INTS8: variants seen among roughly 807,000 people sequenced by gnomAD.
INTS8 encodes protein kaonashi-1.
INTS8 carries 47 observed loss-of-function variants against 138.9 expected under a neutral mutation model. The ratio of observed to expected loss-of-function variants is 0.34; its 90% CI spans 0.27 to 0.43. The LOEUF (loss-of-function observed/expected upper bound fraction) is 0.43, where lower values mean the gene tolerates loss of function less well. Ranked by LOEUF, INTS8 falls within the 20% of genes least tolerant of loss-of-function variation. INTS8 has a pLI of 1.00. For missense variants in INTS8, 996 were observed against 1,173.0 expected, an observed-to-expected ratio of 0.85 and a Z score of 2.20; for synonymous variants, 392 against 400.9, an observed-to-expected ratio of 0.98 and a Z score of 0.27.
intron 8 of INTS8, among the ~76,000 whole-genome samples, chr8:94,839,664 C>G (rs1815062641): frequency 6.6e-6 from 1 of 152,168 alleles, no homozygotes; most frequent in African/African-American, 2.4e-5. Flanking sequence ...TTAATAAAGA[C>G]TAGAGCTCTC....
At chr8:94,825,279 G>C (rs1421290175) in intron 2 of INTS8, among the ~76,000 whole-genome samples, 1 of 151,934 alleles carries the variant, frequency 6.6e-6, no homozygotes. Flanking sequence ...GTGAAACCTC[G>C]TCTCTAGCCG....
intron 15 of INTS8, among the ~76,000 whole-genome samples, chr8:94,858,919 T>TTA (rs1477688393): frequency 6.6e-6 from 1 of 152,216 alleles, no homozygotes; most frequent in African/African-American, 2.4e-5. Flanking sequence ...AACTCCTAAC[T>TTA]TATTAAATGT....
chr8:94,823,923 A>G (rs1814383418), intron 1 of INTS8, among the ~76,000 whole-genome samples: 2 of 152,194 alleles, frequency 1.3e-5, no homozygotes, highest in African/African-American at 4.8e-5. Flanking sequence ...CAAGCTGAAT[A>G]AATTCAGGGA....
At chr8:94,871,041 G>A (rs1222562381) in intron 20 of INTS8, among the ~76,000 whole-genome samples, 1 of 152,054 alleles carries the variant, frequency 6.6e-6, no homozygotes, top group Non-Finnish European at 1.5e-5. Flanking sequence ...ACCCCATTAG[G>A]CCCCTGAAGC....
rs1236110218 is a variant in INTS8, at chr8:94,867,250, TCA to T, written c.2353-22_2353-21del. 3.7e-6 allele frequency: 6 copies of T among 1,602,168 alleles called. No homozygotes were observed. The Admixed American group carries it at 1.0e-4, about 27-fold the overall frequency. Reference sequence around the variant, plus strand: ...AATTTAAAAGAAATTTCTTTGTAAATCACACCTTTTTTTTTCTTTTTAAAGGA... The same window carrying T: ...AATTTAAAAGAAATTTCTTTGTAAATCACCTTTTTTTTTCTTTTTAAAGGA... On this transcript the variant is annotated intron_variant, in intron 19 of 26. Coordinates refer to ENST00000523731, the MANE Select transcript of INTS8 (RefSeq NM_017864.4).
Position 94,881,130 on chromosome 8 carries a change from T to C in INTS8, c.*896T>C. ...GCAGCTATAGATAAATTAGTCACCT[T>C]ATTACAAAACTAAACCTTTGTAAAC... is the stretch of plus-strand genomic sequence containing the variant. On this transcript the variant is annotated 3_prime_UTR_variant, in exon 27 of 27. Coordinates refer to ENST00000523731, the MANE Select transcript of INTS8 (RefSeq NM_017864.4). 1 of 396,032 alleles carries C rather than the reference T, an allele frequency of 2.5e-6. No individual in the cohort carries two copies. Among genetic ancestry groups the C allele is most frequent in the Non-Finnish European group, 4.5e-6 (1 of 224,660 alleles). The allele number at this position is 396,032 out of a possible 1,614,324, so 24.5% of individuals were successfully genotyped here.
intron 6 of INTS8, among the ~76,000 whole-genome samples, chr8:94,834,218 C>T (rs780478308): frequency 1.3e-5 from 2 of 152,132 alleles, no homozygotes; most frequent in Admixed American, 6.6e-5. Flanking sequence ...ATCTATTGAG[C>T]ACCTCTTAAC....
chr8:94,881,740 TTCC>T, exon 27 of INTS8: 1 of 1,613,840 alleles, frequency 6.2e-7, no homozygotes, highest in African/African-American at 1.3e-5. Context: ...TGTAATTTAC[TTCC>T]TCCTATACAT....
rs1417532728 is a variant in INTS8, at chr8:94,853,183, G to A, written c.1642-622G>A. On this transcript the variant is annotated intron_variant, in intron 13 of 26. Transcript: ENST00000523731. ...AAAAATTAGCTGGGCATGGTGGCGC[G>A]CACCTGTATTTCCAGCTACTTGAGA... Among the ~76,000 whole-genome samples the A allele has an allele frequency of 1.1e-4, 17 of 152,072 alleles. No homozygotes were observed. The South Asian group carries it at 2.1e-3, about 19-fold the overall frequency.
chr8:94,832,240 C>G, intron 6 of INTS8, 66 bp downstream of exon 6: 1 of 1,127,026 alleles, frequency 8.9e-7, no homozygotes, highest in Non-Finnish European at 1.3e-6. Flanking sequence ...AGATCATCCT[C>G]CTATTTTTAA....
intron 13 of INTS8, among the ~76,000 whole-genome samples, chr8:94,852,399 T>G (rs188893056): frequency 1.3e-5 from 2 of 152,304 alleles, no homozygotes; most frequent in Admixed American, 1.3e-4. Context: ...ATTAGAAAGT[T>G]TTCCAGCATA....
At chr8:94,832,741 G>A (rs1194294864) in intron 6 of INTS8, among the ~76,000 whole-genome samples, 1 of 151,772 alleles carries the variant, frequency 6.6e-6, no homozygotes, top group East Asian at 1.9e-4. Flanking sequence ...TGCAAACTCC[G>A]CCTCCCGGGT....
At chr8:94,857,993 T>G (rs1291365527) in intron 15 of INTS8, among the ~76,000 whole-genome samples, 1 of 152,238 alleles carries the variant, frequency 6.6e-6, no homozygotes, top group African/African-American at 2.4e-5. Flanking sequence ...TCACACTGAT[T>G]GCCAGTGGGC....
At chr8:94,870,147 G>C (rs988644318) in intron 20 of INTS8, among the ~76,000 whole-genome samples, 1 of 151,930 alleles carries the variant, frequency 6.6e-6, no homozygotes, top group African/African-American at 2.4e-5. Context: ...TGCCTCCCGG[G>C]TTCACGCCAT....
chr8:94,845,954 C>G (rs1009232520), intron 10 of INTS8, among the ~76,000 whole-genome samples: 2 of 152,200 alleles, frequency 1.3e-5, no homozygotes, highest in African/African-American at 4.8e-5. Flanking sequence ...TAAGAATTTA[C>G]ATGTTTACAT....
Position 94,851,519 on chromosome 8 carries a change from G to T in INTS8, c.1508-34G>T. On this transcript the variant is annotated intron_variant, in intron 12 of 26. Coordinates refer to ENST00000523731, the MANE Select transcript of INTS8 (RefSeq NM_017864.4). ...AATTGTTATTCTCGTGTATATCTTT[G>T]AATTAAATCATTGAAATATAAATCT... The T allele has an allele frequency of 2.1e-6, 3 of 1,437,412 alleles. No homozygotes were observed. The South Asian group carries it at 3.9e-5, about 19-fold the overall frequency. 89.0% of individuals were successfully genotyped at this position (1,437,412 alleles called of 1,614,324 possible).
At chr8:94,848,588 A>G (rs1175129825) in intron 10 of INTS8, among the ~76,000 whole-genome samples, 1 of 152,196 alleles carries the variant, frequency 6.6e-6, no homozygotes, top group East Asian at 1.9e-4. Context: ...GAAATAGATG[A>G]TCTTTTGTAA....
intron 9 of INTS8, among the ~76,000 whole-genome samples, chr8:94,841,809 T>C (rs1815144774): frequency 6.6e-6 from 1 of 152,140 alleles, no homozygotes; most frequent in South Asian, 2.1e-4. Context: ...GTCTCATGCC[T>C]ATAATCCCAG....
chr8:94,824,171 A>C (rs963525529), intron 1 of INTS8, among the ~76,000 whole-genome samples: 1 of 152,206 alleles, frequency 6.6e-6, no homozygotes, highest in Non-Finnish European at 1.5e-5. Context: ...GGGGAGGAGG[A>C]AAACTCCAGG....
Sources: allele counts gnomAD v4.1 joint callset (sites outside exome capture counted in the v4.1 genomes callset), GRCh38; gene constraint gnomAD v4.1.1; transcripts MANE v1.5; gene names NCBI Gene and HGNC (gene_info 2026-07-23, HGNC 2026-07-21).